NAB1: variants seen among roughly 807,000 people sequenced by gnomAD.
NAB1 encodes the protein NGFI-A binding protein 1, also known as NGFI-A-binding protein 1.
A neutral mutation model predicts 49.9 loss-of-function variants in NAB1; 25 were observed. That is an observed-to-expected ratio of 0.50 (90% confidence interval 0.37 to 0.70). NAB1 has a LOEUF of 0.70. Ranked by LOEUF, NAB1 falls within the 30% of genes least tolerant of loss-of-function variation. The probability of loss-of-function intolerance (pLI) is 0.00; values close to 1 mark genes in which losing one functional copy is unlikely to be tolerated. For missense variants in NAB1, 489 were observed against 575.9 expected (o/e 0.85, Z 1.54); for synonymous variants, 198 against 215.6 (o/e 0.92, Z 0.71).
At position 190,691,395 on chromosome 2, in the gene NAB1, G is replaced by A. The variant is rs1449630452; in HGVS notation, c.*1062G>A. On this transcript the variant is annotated 3_prime_UTR_variant, in exon 10 of 10. Coordinates refer to ENST00000337386, the MANE Select transcript of NAB1 (RefSeq NM_005966.4). The surrounding 1 kb of genome is among the most constrained non-coding windows in gnomAD (Gnocchi z 4.1). ...TCCACATCTGTAGGCATATTTCTAT[G>A]GAAGTTTAATTGACAGCTATATTCA... 1 of 152,014 alleles carries A rather than the reference G, an allele frequency of 6.6e-6. No homozygotes were observed. The highest frequency in any genetic ancestry group is 1.5e-5 in the Non-Finnish European group (1 of 67,940). The allele number at this position is 152,014 out of a possible 1,614,324, so 9.4% of individuals were successfully genotyped here. A position where few individuals can be genotyped will look rare whatever the true frequency, so the allele number is the denominator to read the frequency against.
rs1694757261 is a variant in NAB1 at position 190,670,668 on chromosome 2, C to T, written c.953+209C>T. ...CTGTTCTCTTTTGAAAGGCATCATT[C>T]TCTAGTTACTATAGCATTGTTCTGG... On this transcript the variant is annotated intron_variant, in intron 5 of 9. Coordinates refer to ENST00000337386, the MANE Select transcript of NAB1 (RefSeq NM_005966.4). The surrounding 1 kb of genome is among the most constrained non-coding windows in gnomAD (Gnocchi z 5.3). Among the ~76,000 whole-genome samples, 1 of 152,130 alleles carries T rather than the reference C, an allele frequency of 6.6e-6. No homozygotes were observed. The highest frequency in any genetic ancestry group is 6.5e-5 in the Admixed American group (1 of 15,270).
chr2:190,680,030 T>A lies in NAB1; in HGVS notation c.1006-3708T>A, dbSNP rs1695255400. 1.3e-5 allele frequency among the ~76,000 whole-genome samples: 2 copies of A among 152,148 alleles called. No individual in the cohort carries two copies. The highest frequency in any genetic ancestry group is 4.8e-5 in the African/African-American group (2 of 41,428). ...CTTGAGTTCCTTATTCTAGAGAATG[T>A]CATAACCAAACTCTCAGTTGCCTTA... On this transcript the variant is annotated intron_variant, in intron 6 of 9. Coordinates refer to ENST00000337386, the MANE Select transcript of NAB1 (RefSeq NM_005966.4). The surrounding 1 kb of genome is among the most constrained non-coding windows in gnomAD (Gnocchi z 5.2).
At chr2:190,655,123 C>T (rs1447160077) in intron 2 of NAB1, among the ~76,000 whole-genome samples, 1 of 152,194 alleles carries the variant, frequency 6.6e-6, no homozygotes, top group African/African-American at 2.4e-5. Flanking sequence ...TTTATGACTA[C>T]TTTTAGTATT....
chr2:190,658,442 G>A (rs957741575), intron 3 of NAB1, among the ~76,000 whole-genome samples: 2 of 152,156 alleles, frequency 1.3e-5, no homozygotes, highest in Admixed American at 6.5e-5. Flanking sequence ...TTAAACCACA[G>A]AGTGTCAATA....
chr2:190,651,734 A>C lies in NAB1; in HGVS notation c.-197+1752A>C, dbSNP rs1016127242. On this transcript the variant is annotated intron_variant, in intron 2 of 9. Transcript: ENST00000337386. The surrounding 1 kb of genome is among the most constrained non-coding windows in gnomAD (Gnocchi z 4.3). ...TGTTTTTTGTGAGTGCTATTTATGTACATTTTTGGAAATGAAATCTTTGTA... is the reference window on the plus strand; with the variant it reads ...TGTTTTTTGTGAGTGCTATTTATGTCCATTTTTGGAAATGAAATCTTTGTA... Among the ~76,000 whole-genome samples the C allele has an allele frequency of 1.1e-4, 17 of 152,274 alleles. No individual in the cohort carries two copies. Among genetic ancestry groups the C allele is most frequent in the African/African-American group, 4.1e-4 (17 of 41,560 alleles).
intron 5 of NAB1, among the ~76,000 whole-genome samples, chr2:190,672,395 A>C (rs1694856616): frequency 6.6e-6 from 1 of 152,216 alleles, no homozygotes; most frequent in Non-Finnish European, 1.5e-5. Context: ...AATTAATTTC[A>C]TAGTGGTACA....
intron 9 of NAB1, 77 bp downstream of exon 9, chr2:190,687,394 TCAAAAAA>T (rs1559255561): frequency 1.1e-5 from 1 of 93,876 alleles, no homozygotes; most frequent in Non-Finnish European, 1.7e-5. Context: ...TCCTCCCCCA[TCAAAAAA>T]AAAAAAAAAA....
rs1251889589 is a variant in NAB1 at position 190,680,754 on chromosome 2, T to C, written c.1006-2984T>C. 6.6e-6 allele frequency among the ~76,000 whole-genome samples: 1 copy of C among 152,256 alleles called. No individual in the cohort carries two copies. Among genetic ancestry groups the C allele is most frequent in the Admixed American group, 6.5e-5 (1 of 15,290 alleles). ...TTCCTTCTCTAAGATGTCTGTACTT[T>C]GTAATTGTCCATAAAATTTCTCTTT... On this transcript the variant is annotated intron_variant, in intron 6 of 9. Coordinates refer to ENST00000337386, the MANE Select transcript of NAB1 (RefSeq NM_005966.4). This position sits in a 1 kb window ranked among gnomAD's most constrained non-coding sequence, Gnocchi z 5.2.
rs958770 is a variant in NAB1 at position 190,663,436 on chromosome 2, T to C, written c.819+3441T>C. Among the ~76,000 whole-genome samples, 114,242 of 152,098 alleles carry C rather than the reference T, an allele frequency of 0.75. 43,047 individuals carry two copies. The highest frequency in any genetic ancestry group is 0.84 in the South Asian group (4,038 of 4,824). On this transcript the variant is annotated intron_variant, in intron 4 of 9. Coordinates refer to ENST00000337386, the MANE Select transcript of NAB1 (RefSeq NM_005966.4). The surrounding 1 kb of genome is among the most constrained non-coding windows in gnomAD (Gnocchi z 4.2). Reference sequence around the variant, plus strand: ...CTCACCTCCTGTTTTTATAAATAAATTTTTATTGGCACACAGCTGGGCCTA... The same window carrying C: ...CTCACCTCCTGTTTTTATAAATAAACTTTTATTGGCACACAGCTGGGCCTA...
In NAB1 at chr2:190,652,747, C is replaced by A. The variant is rs1693731493; in HGVS notation, c.-197+2765C>A. Among the ~76,000 whole-genome samples the A allele has an allele frequency of 6.6e-6, 1 of 152,186 alleles. No homozygotes were observed. Among genetic ancestry groups the A allele is most frequent in the African/African-American group, 2.4e-5 (1 of 41,434 alleles). On this transcript the variant is annotated intron_variant, in intron 2 of 9. Coordinates refer to ENST00000337386, the MANE Select transcript of NAB1 (RefSeq NM_005966.4). The surrounding 1 kb of genome is among the most constrained non-coding windows in gnomAD (Gnocchi z 4.2). ...TACTAATATGTGTGCCTAGGTAAAT[C>A]ACTGGAAGCTTGAAACACATACATG...
intron 4 of NAB1, among the ~76,000 whole-genome samples, chr2:190,662,419 A>G (rs569416172): frequency 7.9e-5 from 12 of 151,542 alleles, no homozygotes; most frequent in African/African-American, 2.4e-4. Context: ...AGAATCAGCA[A>G]TAGTCCTACA....
intron 2 of NAB1, among the ~76,000 whole-genome samples, chr2:190,650,302 A>G (rs2125522377): frequency 6.6e-6 from 1 of 152,316 alleles, no homozygotes. Flanking sequence ...ATTTGGAGTA[A>G]CTTGTCACTA....
At chr2:190,648,899 C>G (rs999753902), upstream of NAB1, 1 of 150,352 alleles carries the variant, frequency 6.7e-6, no homozygotes, top group African/African-American at 2.4e-5. Context: ...ATCTGCGTCA[C>G]TCGGCCGCGC....
intron 6 of NAB1, among the ~76,000 whole-genome samples, chr2:190,673,774 C>A (rs1014565653): frequency 6.6e-6 from 1 of 152,122 alleles, no homozygotes; most frequent in Non-Finnish European, 1.5e-5. Flanking sequence ...TGAGGCTGCT[C>A]TTTTGATTTT....
intron 4 of NAB1, among the ~76,000 whole-genome samples, chr2:190,661,628 T>A (rs536658777): frequency 1.3e-5 from 2 of 152,314 alleles, no homozygotes; most frequent in African/African-American, 4.8e-5. Context: ...ACACTTAGCT[T>A]TTGCTAAGGG....
chr2:190,663,044 C>G lies in NAB1; in HGVS notation c.819+3049C>G, dbSNP rs79255283. ...GAGGAGGAATGCTGAATCTGAGAACCGCATAAACGTGGTCACATTATTAAG... is the reference window on the plus strand; with the variant it reads ...GAGGAGGAATGCTGAATCTGAGAACGGCATAAACGTGGTCACATTATTAAG... On this transcript the variant is annotated intron_variant, in intron 4 of 9. Transcript: ENST00000337386. This position sits in a 1 kb window ranked among gnomAD's most constrained non-coding sequence, Gnocchi z 4.2. 6.6e-6 allele frequency among the ~76,000 whole-genome samples: 1 copy of G among 152,132 alleles called. No individual in the cohort carries two copies. The highest frequency in any genetic ancestry group is 1.5e-5 in the Non-Finnish European group (1 of 68,026).
intron 4 of NAB1, among the ~76,000 whole-genome samples, chr2:190,665,468 G>A (rs1694469304): frequency 6.6e-6 from 1 of 151,974 alleles, no homozygotes; most frequent in South Asian, 2.1e-4. Context: ...AAATCCCTTT[G>A]TTTCTTCAAA....
At chr2:190,661,992 T>C (rs1011487651) in intron 4 of NAB1, among the ~76,000 whole-genome samples, 16 of 152,250 alleles carry the variant, frequency 1.1e-4, no homozygotes, top group African/African-American at 3.9e-4. Flanking sequence ...TTTGTATTTT[T>C]TCTCCTGATT....
In NAB1 at chr2:190,690,464, C is replaced by G. The variant is rs1214513312; in HGVS notation, c.*131C>G. 2.9e-6 allele frequency: 2 copies of G among 689,988 alleles called. No homozygotes were observed. Among genetic ancestry groups the G allele is most frequent in the Non-Finnish European group, 5.0e-6 (2 of 397,970 alleles). The allele number at this position is 689,988 out of a possible 1,614,324, so 42.7% of individuals were successfully genotyped here. A position where few individuals can be genotyped will look rare whatever the true frequency, so the allele number is the denominator to read the frequency against. On this transcript the variant is annotated 3_prime_UTR_variant, in exon 10 of 10. Coordinates refer to ENST00000337386, the MANE Select transcript of NAB1 (RefSeq NM_005966.4). ...AGATTTCATAGCCAAAGCAAAAGGACTGGTACGGTAGTCTGTGGAAACCAG... is the reference window on the plus strand; with the variant it reads ...AGATTTCATAGCCAAAGCAAAAGGAGTGGTACGGTAGTCTGTGGAAACCAG...
Sources: allele counts gnomAD v4.1 joint callset (sites outside exome capture counted in the v4.1 genomes callset), GRCh38; gene constraint gnomAD v4.1.1; non-coding constraint Gnocchi (gnomAD v3.1); transcripts MANE v1.5; gene names NCBI Gene and HGNC (gene_info 2026-07-23, HGNC 2026-07-21).